The following ANK2 variants were observed in gnomAD, a reference collection of about 807,000 sequenced individuals.
The protein encoded by ANK2 is ankyrin 2, also known as ankyrin-2.
Under a neutral mutation model 360.5 loss-of-function variants are expected in ANK2, and 83 were observed. The ratio of observed to expected loss-of-function variants is 0.23; its 90% CI spans 0.19 to 0.28. The LOEUF (loss-of-function observed/expected upper bound fraction) is 0.28, where lower values mean the gene tolerates loss of function less well. Ranked by LOEUF, ANK2 falls within the 10% of genes least tolerant of loss-of-function variation. ANK2 has a pLI of 1.00. For missense variants in ANK2, 4,201 were observed against 4,795.7 expected (o/e 0.88, Z 3.66); for synonymous variants, 1,740 against 1,759.5 (o/e 0.99, Z 0.28).
At chr4:112,926,871 A>G (rs2092623668) in intron 2 of ANK2, among the ~76,000 whole-genome samples, 2 of 152,218 alleles carry the variant, frequency 1.3e-5, no homozygotes, top group Non-Finnish European at 2.9e-5. Context: ...ACGCTGCTCT[A>G]AGGAGATACC....
chr4:113,364,964 G>A (rs1352868754), intron 40 of ANK2, 75 bp from the exon 41 acceptor site: 2 of 1,574,542 alleles, frequency 1.3e-6, no homozygotes, highest in South Asian at 1.1e-5. Context: ...CAAAAATTTA[G>A]TAAGGCAGTT....
intron 4 of ANK2, among the ~76,000 whole-genome samples, chr4:113,221,661 A>C (rs2099153794): frequency 6.7e-6 from 1 of 148,852 alleles, no homozygotes; most frequent in Non-Finnish European, 1.5e-5. Context: ...TCCACTTCAA[A>C]AAAAAAAAAA....
chr4:113,235,654 C>T (rs980895859), intron 5 of ANK2, among the ~76,000 whole-genome samples: 1 of 151,922 alleles, frequency 6.6e-6, no homozygotes, highest in Non-Finnish European at 1.5e-5. Context: ...AGGCTCATGT[C>T]GAACTCCTGA....
chr4:113,229,866 A>G (rs1037646157), intron 4 of ANK2, among the ~76,000 whole-genome samples: 2 of 152,140 alleles, frequency 1.3e-5, no homozygotes, highest in African/African-American at 4.8e-5. Context: ...CTCTTGATCT[A>G]TCTACAAGAC....
intron 14 of ANK2, among the ~76,000 whole-genome samples, chr4:113,269,962 T>C (rs1056058887): frequency 6.6e-6 from 1 of 152,234 alleles, no homozygotes; most frequent in African/African-American, 2.4e-5. Context: ...GTCCACATAG[T>C]GTAATTTATG....
chr4:113,373,506 A>C (rs2154075572), intron 45 of ANK2, 57 bp downstream of exon 45: 212 of 1,552,420 alleles, frequency 1.4e-4, no homozygotes, highest in Non-Finnish European at 1.7e-4. Context: ...AATAGAGCTC[A>C]AGAAAGATGA....
At chr4:113,108,531 A>G (rs188070657) in intron 1 of ANK2, among the ~76,000 whole-genome samples, 1 of 152,184 alleles carries the variant, frequency 6.6e-6, no homozygotes, top group Admixed American at 6.5e-5. Context: ...AAGAATGTAC[A>G]CATATTATAG....
chr4:113,185,918 T>A (rs1206097006), intron 2 of ANK2, among the ~76,000 whole-genome samples: 3 of 152,232 alleles, frequency 2.0e-5, no homozygotes, highest in Admixed American at 6.5e-5. Flanking sequence ...GTTTCAGTTT[T>A]CTGCATATGG....
intron 1 of ANK2, among the ~76,000 whole-genome samples, chr4:113,139,937 A>AG (rs2096576968): frequency 6.6e-6 from 1 of 152,242 alleles, no homozygotes; most frequent in Non-Finnish European, 1.5e-5. Flanking sequence ...ATCTGTGTAA[A>AG]GCATAAACAG....
At chr4:112,828,957 C>T (rs2059065474) in intron 1 of ANK2, among the ~76,000 whole-genome samples, 1 of 152,104 alleles carries the variant, frequency 6.6e-6, no homozygotes, top group Admixed American at 6.5e-5. Flanking sequence ...AGTTTGAGAA[C>T]AGGCTGGCCA....
rs755247866 is a variant in ANK2, at chr4:113,341,906, G to A, written c.4112G>A (p.Arg1371Lys). The change falls in exon 33 of 46, where the codon AGG (arginine) becomes AAG (lysine). Residue 1371 changes from arginine (R) to lysine (K), a missense_variant. This residue lies in a region of ANK2 where 1,268 missense variants were observed against 1,650.8 expected (regional missense o/e 0.77). Coordinates refer to ENST00000357077, the MANE Select transcript of ANK2 (RefSeq NM_001148.6). The stretch of plus-strand genomic sequence containing the variant: ...AATTTTGCTGAGGTGGCCAGAAGCA[G>A]GGATGTGGAGGTACTGTACCAAAAA... ...QENFAEVARS[R>K]DVEVLEGKPI... The A allele has an allele frequency of 6.2e-7, 1 of 1,610,090 alleles. No homozygotes were observed. The highest frequency in any genetic ancestry group is 1.7e-5 in the Admixed American group (1 of 59,994).
rs2154066463 is a variant in ANK2 at position 113,369,646 on chromosome 4, C to G, written c.11451C>G (p.Ser3817=). The G allele has an allele frequency of 6.2e-7, 1 of 1,614,130 alleles. No individual in the cohort carries two copies. The highest frequency in any genetic ancestry group is 1.1e-5 in the South Asian group (1 of 91,078). ...EEKLYLQTPT[S]SERGGSPIIQ... ...AGCTGTACCTCCAGACCCCAACATC[C>G]AGCGAGCGGGGAGGCTCTCCCATCA... Residue 3817 remains serine (S), a synonymous_variant, in exon 43 of 46, where the codon TCC becomes TCG. Transcript: ENST00000357077.
intron 2 of ANK2, among the ~76,000 whole-genome samples, chr4:112,991,776 T>G (rs1019681260): frequency 2.6e-5 from 4 of 152,068 alleles, no homozygotes; most frequent in African/African-American, 9.7e-5. Context: ...TTCAATACTT[T>G]GTTTAGCAAT....
At chr4:113,303,035 G>T (rs1208400804) in intron 23 of ANK2, among the ~76,000 whole-genome samples, 196 bp downstream of exon 23, 1 of 151,926 alleles carries the variant, frequency 6.6e-6, no homozygotes, top group Non-Finnish European at 1.5e-5. Flanking sequence ...TAGTATATTT[G>T]TTTCTGGTAT....
chr4:112,854,628 G>A (rs1200991522), intron 1 of ANK2, among the ~76,000 whole-genome samples: 1 of 152,180 alleles, frequency 6.6e-6, no homozygotes, highest in Non-Finnish European at 1.5e-5. Context: ...TGAGGAAGAG[G>A]TAGTATGCTA....
chr4:112,914,168 T>G (rs1188493065), intron 2 of ANK2, among the ~76,000 whole-genome samples: 2 of 152,322 alleles, frequency 1.3e-5, no homozygotes, highest in South Asian at 2.1e-4. Flanking sequence ...ACTCATGCTT[T>G]TAATCATGAA....
chr4:113,333,298 ATGTGTG>A (rs60929199), intron 29 of ANK2, 90 bp downstream of exon 29: 749 of 1,161,736 alleles, frequency 6.4e-4, no homozygotes, highest in African/African-American at 1.2e-3. Context: ...GTGTGTGTAT[ATGTGTG>A]TGTGTGTGTG....
In ANK2 at chr4:113,356,350, G is replaced by C. The variant is rs2095773673; in HGVS notation, c.7732G>C (p.Glu2578Gln). The C allele has an allele frequency of 1.9e-6, 3 of 1,614,014 alleles. No individual in the cohort carries two copies. Reference protein sequence around the residue: ...CAEEDDSENGEKKRFTPEEEM... With the variant: ...CAEEDDSENGQKKRFTPEEEM... ...AGAGGAGGATGATTCAGAAAACGGGGAGAAAAAGAGGTTCACACCTGAAGA... is the reference window on the plus strand; with the variant it reads ...AGAGGAGGATGATTCAGAAAACGGGCAGAAAAAGAGGTTCACACCTGAAGA... Residue 2578 changes from glutamate to glutamine, a missense_variant, in exon 38 of 46, where the codon GAG (glutamate) becomes CAG (glutamine). Physicochemically the swap from Glu to Gln is conservative, Grantham distance 29. Around this residue, in one of 4 missense-constraint regions of ANK2, gnomAD observed 2,642 missense variants for 2,714.5 expected, o/e 0.97. Coordinates refer to ENST00000357077, the MANE Select transcript of ANK2 (RefSeq NM_001148.6).
At chr4:112,776,685 T>TA in the ANK2 span, among the ~76,000 whole-genome samples, 1 of 152,204 alleles carries the variant, frequency 6.6e-6, no homozygotes, top group Non-Finnish European at 1.5e-5. Context: ...AGATTTGTCT[T>TA]AGAGTTTTCA....
Sources: allele counts gnomAD v4.1 joint callset (sites outside exome capture counted in the v4.1 genomes callset), GRCh38; gene constraint gnomAD v4.1.1; regional missense constraint gnomAD v4.1.1; transcripts MANE v1.5; gene names NCBI Gene and HGNC (gene_info 2026-07-23, HGNC 2026-07-21).